Variants in ZSCAN20 observed in about 807,000 individuals in gnomAD.
ZSCAN20 encodes zinc finger and SCAN domain containing 20.
ZSCAN20 carries 39 observed loss-of-function variants against 97.1 expected under a neutral mutation model. The observed-to-expected ratio is 0.40, with a 90% CI of 0.31 to 0.52. The LOEUF (loss-of-function observed/expected upper bound fraction) is 0.52. Ranked by LOEUF, ZSCAN20 falls within the 20% of genes least tolerant of loss-of-function variation. ZSCAN20 has a pLI of 0.49. For synonymous variants in ZSCAN20, 456 were observed against 467.3 expected (o/e 0.98, Z 0.31); for missense variants, 1,115 against 1,290.4 (o/e 0.86, Z 2.08).
At position 33,496,723 on chromosome 1, in the gene ZSCAN20, T is replaced by C. The variant is rs140819331; in HGVS notation, c.*1247T>C. Among the ~76,000 whole-genome samples, 1 of 152,236 alleles carries C rather than the reference T, an allele frequency of 6.6e-6. No individual in the cohort carries two copies. The highest frequency in any genetic ancestry group is 1.9e-4 in the East Asian group (1 of 5,146). ...TTGTTCTTGGTCCCCATGCCAAGAC[T>C]GAGGTGGGAGGTGCTGGTGTATATG... On this transcript the variant is annotated 3_prime_UTR_variant, in exon 8 of 8. Transcript: ENST00000684572.
intron 2 of ZSCAN20, among the ~76,000 whole-genome samples, chr1:33,480,923 G>C (rs1652131580): frequency 6.6e-6 from 1 of 152,188 alleles, no homozygotes; most frequent in South Asian, 2.1e-4. Context: ...GTTATAGTTA[G>C]TAATTCTTGT....
chr1:33,474,340 C>T (rs1253688253), intron 1 of ZSCAN20, among the ~76,000 whole-genome samples: 1 of 152,206 alleles, frequency 6.6e-6, no homozygotes, highest in Non-Finnish European at 1.5e-5. Context: ...GGCCTGACAG[C>T]CTTTAAGAGT....
Position 33,479,466 on chromosome 1 carries a change from A to G in ZSCAN20, c.178A>G (p.Arg60Gly), listed in dbSNP as rs1380470940. ...SRQRFRQFQY[R>G]DAAGPHEAFS... is the part of the protein sequence containing the mutation. Reference sequence around the variant, plus strand: ...CCAGCGCTTCAGGCAATTCCAATACAGGGATGCAGCTGGACCCCACGAGGC... The same window carrying G: ...CCAGCGCTTCAGGCAATTCCAATACGGGGATGCAGCTGGACCCCACGAGGC... Residue 60 changes from arginine (R) to glycine (G), a missense_variant, in exon 2 of 8, where the codon AGG becomes GGG. By Grantham distance (125) the Arg-to-Gly change is moderately radical (BLOSUM62 -2). This residue lies in a region of ZSCAN20 where 508 missense variants were observed against 611.2 expected (regional missense o/e 0.83). Coordinates refer to ENST00000684572, the MANE Select transcript of ZSCAN20 (RefSeq NM_001377376.1). The G allele has an allele frequency of 1.9e-6, 3 of 1,614,182 alleles. No individual in the cohort carries two copies. Among genetic ancestry groups the G allele is most frequent in the Non-Finnish European group, 2.5e-6 (3 of 1,179,988 alleles).
At position 33,497,074 on chromosome 1, in the gene ZSCAN20, G is replaced by A. The variant is rs530153815; in HGVS notation, c.*1598G>A. ...TATTCATAACCTGCTTGGTTCATGG[G>A]CTGGGGAAGTACCTATCAGATAGTG... On this transcript the variant is annotated 3_prime_UTR_variant, in exon 8 of 8. Coordinates refer to ENST00000684572, the MANE Select transcript of ZSCAN20 (RefSeq NM_001377376.1). Among the ~76,000 whole-genome samples, 14 of 152,266 alleles carry A rather than the reference G, an allele frequency of 9.2e-5. No homozygotes were observed. The East Asian group carries it at 2.5e-3, about 27-fold the overall frequency.
In ZSCAN20 at chr1:33,493,460, C is replaced by G; in HGVS notation, c.1718C>G (p.Ala573Gly). ...EELDSLMRAR[A>G]AVRAMGTVRE... ...CTGGACTCGCTGATGAGGGCTCGGGCTGCAGTCAGGGCCATGGGGACTGTC... is the reference window on the plus strand; with the variant it reads ...CTGGACTCGCTGATGAGGGCTCGGGGTGCAGTCAGGGCCATGGGGACTGTC... Residue 573 changes from alanine to glycine, a missense_variant, in exon 7 of 8, where the codon GCT becomes GGT. By Grantham distance (60) the Ala-to-Gly change is moderately conservative. Coordinates refer to ENST00000684572, the MANE Select transcript of ZSCAN20 (RefSeq NM_001377376.1). The surrounding 1 kb of genome is among the most constrained non-coding windows in gnomAD (Gnocchi z 4.3). 1 of 1,614,198 alleles carries G rather than the reference C, an allele frequency of 6.2e-7. No homozygotes were observed. Among genetic ancestry groups the G allele is most frequent in the South Asian group, 1.1e-5 (1 of 91,080 alleles).
rs928870197 is a variant in ZSCAN20 at position 33,497,982 on chromosome 1, A to G, written c.*2506A>G. Reference sequence around the variant, plus strand: ...AGAGGCTAGGACTAGAGATCTGTGTATGCGAAGTAGTTAAACTAATGAGAA... The same window carrying G: ...AGAGGCTAGGACTAGAGATCTGTGTGTGCGAAGTAGTTAAACTAATGAGAA... On this transcript the variant is annotated 3_prime_UTR_variant, in exon 8 of 8. Coordinates refer to ENST00000684572, the MANE Select transcript of ZSCAN20 (RefSeq NM_001377376.1). 6.6e-5 allele frequency among the ~76,000 whole-genome samples: 10 copies of G among 152,164 alleles called. No individual in the cohort carries two copies. Among genetic ancestry groups the G allele is most frequent in the African/African-American group, 2.4e-4 (10 of 41,422 alleles).
Position 33,495,632 on chromosome 1 carries a change from C to T in ZSCAN20, c.*156C>T, listed in dbSNP as rs536350351. Reference sequence around the variant, plus strand: ...GTAATTTGGAAGTGAATTACAAATACTAAGGATCCAGATTTGAAGGCACTT... The same window carrying T: ...GTAATTTGGAAGTGAATTACAAATATTAAGGATCCAGATTTGAAGGCACTT... On this transcript the variant is annotated 3_prime_UTR_variant, in exon 8 of 8. Coordinates refer to ENST00000684572, the MANE Select transcript of ZSCAN20 (RefSeq NM_001377376.1). 2 of 634,792 alleles carry T rather than the reference C, an allele frequency of 3.2e-6. No homozygotes were observed. Among genetic ancestry groups the T allele is most frequent in the African/African-American group, 1.8e-5 (1 of 54,198 alleles). The allele number at this position is 634,792 out of a possible 1,614,324, so 39.3% of individuals were successfully genotyped here. A position where few individuals can be genotyped will look rare whatever the true frequency, so the allele number is the denominator to read the frequency against.
chr1:33,497,986 G>A lies in ZSCAN20; in HGVS notation c.*2510G>A, dbSNP rs1334525671. Among the ~76,000 whole-genome samples, 1 of 152,150 alleles carries A rather than the reference G, an allele frequency of 6.6e-6. No individual in the cohort carries two copies. The highest frequency in any genetic ancestry group is 1.5e-5 in the Non-Finnish European group (1 of 68,030). ...GCTAGGACTAGAGATCTGTGTATGC[G>A]AAGTAGTTAAACTAATGAGAAAGGA... On this transcript the variant is annotated 3_prime_UTR_variant, in exon 8 of 8. Transcript: ENST00000684572.
In ZSCAN20 at chr1:33,494,354, A is replaced by T. The variant is rs1168186523; in HGVS notation, c.2010A>T (p.Glu670Asp). 1 of 1,614,228 alleles carries T rather than the reference A, an allele frequency of 6.2e-7. No homozygotes were observed. The highest frequency in any genetic ancestry group is 8.5e-7 in the Non-Finnish European group (1 of 1,180,036). ...PLDWGEDSEN[E>D]NEDEGQWGNP... ...ACTGGGGAGAAGACAGTGAAAATGA[A>T]AATGAAGATGAAGGGCAGTGGGGAA... The change falls in exon 8 of 8, where the codon GAA (glutamate) becomes GAT (aspartate). Residue 670 changes from glutamate (E) to aspartate (D), a missense_variant. By Grantham distance (45) the Glu-to-Asp change is conservative. Coordinates refer to ENST00000684572, the MANE Select transcript of ZSCAN20 (RefSeq NM_001377376.1).
chr1:33,492,336 C>G (rs1652653432), intron 6 of ZSCAN20: 1 of 152,244 alleles, frequency 6.6e-6, no homozygotes, highest in Non-Finnish European at 1.5e-5. Flanking sequence ...CACTTTCCTG[C>G]AGAGGAGCTG....
At chr1:33,489,636 C>A in intron 5 of ZSCAN20, 34 bp downstream of exon 5, 1 of 1,592,656 alleles carries the variant, frequency 6.3e-7, no homozygotes, top group Non-Finnish European at 8.6e-7. Flanking sequence ...GTGATGTTGT[C>A]ATGCTTCTGA....
Position 33,493,267 on chromosome 1 carries a change from A to G in ZSCAN20, c.1525A>G (p.Thr509Ala). 6.2e-7 allele frequency: 1 copy of G among 1,614,152 alleles called. No individual in the cohort carries two copies. The highest frequency in any genetic ancestry group is 8.5e-7 in the Non-Finnish European group (1 of 1,180,024). Residue 509 changes from threonine to alanine, a missense_variant, in exon 7 of 8, where the codon ACC becomes GCC. Thr to Ala is a moderately conservative substitution (Grantham distance 58). This residue lies in a region of ZSCAN20 where 53 missense variants were observed against 94.3 expected (regional missense o/e 0.56). Coordinates refer to ENST00000684572, the MANE Select transcript of ZSCAN20 (RefSeq NM_001377376.1). The surrounding 1 kb of genome is among the most constrained non-coding windows in gnomAD (Gnocchi z 4.3). ...SESPFSEKLRTCHQNSQVYRA... is the reference protein window; with the variant it reads ...SESPFSEKLRACHQNSQVYRA... ...GTCCCCATTCTCGGAAAAGCTTCGTACCTGTCACCAGAACAGCCAGGTGTA... is the reference window on the plus strand; with the variant it reads ...GTCCCCATTCTCGGAAAAGCTTCGTGCCTGTCACCAGAACAGCCAGGTGTA...
chr1:33,488,420 G>T (rs1389753127), intron 2 of ZSCAN20, 45 bp from the exon 3 acceptor site: 1 of 1,594,012 alleles, frequency 6.3e-7, no homozygotes, highest in African/African-American at 1.4e-5. Context: ...ACCAAAGTGG[G>T]TCTTACTGAA....
In ZSCAN20 at chr1:33,494,487, T is replaced by G. The variant is rs182131666; in HGVS notation, c.2143T>G (p.Cys715Gly). 209 of 1,614,230 alleles carry G rather than the reference T, an allele frequency of 1.3e-4. No homozygotes were observed. In the Middle Eastern group the frequency reaches 1.8e-3, roughly 14 times the overall value. ...AGAGAAACCCTACAAGTGTGACACA[T>G]GCATGAAGAGCTTCAGTCGGAGCTC... ...LAEKPYKCDT[C>G]MKSFSRSSHF... The change falls in exon 8 of 8, where the codon TGC (cysteine) becomes GGC (glycine). Residue 715 changes from cysteine (C) to glycine (G), a missense_variant. Around this residue, in one of 3 missense-constraint regions of ZSCAN20, gnomAD observed 554 missense variants for 584.9 expected, o/e 0.95. Transcript: ENST00000684572.
Position 33,493,412 on chromosome 1 carries a change from G to A in ZSCAN20, c.1670G>A (p.Gly557Glu), listed in dbSNP as rs1652702842. 1 of 1,614,078 alleles carries A rather than the reference G, an allele frequency of 6.2e-7. No individual in the cohort carries two copies. The highest frequency in any genetic ancestry group is 8.5e-7 in the Non-Finnish European group (1 of 1,180,050). ...AAAGCCAAGAGCAGCCACCCACCAG[G>A]GACATGCCCTTTCTATGAGGAACTG... ...YRKAKSSHPP[G>E]TCPFYEELDS... Residue 557 changes from glycine (G) to glutamate (E), a missense_variant, in exon 7 of 8, where the codon GGG (glycine) becomes GAG (glutamate). Transcript: ENST00000684572. This position sits in a 1 kb window ranked among gnomAD's most constrained non-coding sequence, Gnocchi z 4.3.
intron 6 of ZSCAN20, chr1:33,492,324 A>C (rs1024866552): frequency 1.3e-5 from 2 of 152,254 alleles, no homozygotes; most frequent in African/African-American, 4.8e-5. Context: ...CCTGGGCTAC[A>C]TCACTTTCCT....
At position 33,489,142 on chromosome 1, in the gene ZSCAN20, T is replaced by A; in HGVS notation, c.632T>A (p.Leu211His). The A allele has an allele frequency of 1.2e-6, 2 of 1,613,774 alleles. No homozygotes were observed. The highest frequency in any genetic ancestry group is 1.7e-6 in the Non-Finnish European group (2 of 1,179,810). ...GTCCTCACTCCCCGAGTCCCTACTC[T>A]CCCAAAGATGGGGAGCGTTGGAGAT... ...SAVLTPRVPTLPKMGSVGDWE... is the reference protein window; with the variant it reads ...SAVLTPRVPTHPKMGSVGDWE... Residue 211 changes from leucine (L) to histidine (H), a missense_variant, in exon 4 of 8, where the codon CTC (leucine) becomes CAC (histidine). Leu to His is a moderately conservative substitution (Grantham distance 99). Transcript: ENST00000684572.
At position 33,499,172 on chromosome 1, in the gene ZSCAN20, G is replaced by A. The variant is rs1476822334; in HGVS notation, c.*3696G>A. On this transcript the variant is annotated 3_prime_UTR_variant, in exon 8 of 8. Transcript: ENST00000684572. Reference sequence around the variant, plus strand: ...AAAGAATTGAGTCACTTTCTGTAGGGGAGTAACACCCTTTGGGGACAGGGG... The same window carrying A: ...AAAGAATTGAGTCACTTTCTGTAGGAGAGTAACACCCTTTGGGGACAGGGG... Among the ~76,000 whole-genome samples, 1 of 152,138 alleles carries A rather than the reference G, an allele frequency of 6.6e-6. No individual in the cohort carries two copies. The highest frequency in any genetic ancestry group is 1.5e-5 in the Non-Finnish European group (1 of 68,012).
Position 33,479,311 on chromosome 1 carries a change from A to G in ZSCAN20, c.23A>G (p.Gln8Arg), listed in dbSNP as rs376899257. 78 of 1,609,988 alleles carry G rather than the reference A, an allele frequency of 4.8e-5. No individual in the cohort carries two copies. Among genetic ancestry groups the G allele is most frequent in the Non-Finnish European group, 6.2e-5 (73 of 1,177,674 alleles). Residue 8 changes from glutamine to arginine, a missense_variant, in exon 2 of 8, where the codon CAA (glutamine) becomes CGA (arginine). Coordinates refer to ENST00000684572, the MANE Select transcript of ZSCAN20 (RefSeq NM_001377376.1). ...ACAATGGCTATGGCCCTGGAATTGC[A>G]AGCCCAGGCATCTCCGCAGCCAGAG... MAMALEL[Q>R]AQASPQPEPE...
Sources: gnomAD v4.1 joint callset for allele counts (sites outside exome capture counted in the v4.1 genomes callset) on GRCh38, gnomAD v4.1.1 for gene constraint, gnomAD v4.1.1 regional missense constraint, Gnocchi (gnomAD v3.1) non-coding constraint, MANE v1.5 for transcripts, NCBI Gene and HGNC (gene_info 2026-07-23, HGNC 2026-07-21) for gene names.